The following AKAP10 variants were observed in gnomAD, a reference collection of about 807,000 sequenced individuals.
AKAP10 encodes the protein A-kinase anchoring protein 10.
AKAP10 carries 24 observed loss-of-function variants against 80.8 expected under a neutral mutation model. The ratio of observed to expected loss-of-function variants is 0.30; its 90% CI spans 0.22 to 0.42. The LOEUF is 0.42. Among genes scored for constraint, AKAP10 ranks in the 10% least tolerant of loss-of-function variants. The pLI is 1.00. For missense variants in AKAP10, 661 were observed against 794.9 expected (o/e 0.83, Z 2.03); for synonymous variants, 291 against 277.7 (o/e 1.05, Z -0.48).
At position 19,977,648 on chromosome 17, in the gene AKAP10, G is replaced by A. The variant is rs1179383866; in HGVS notation, c.32C>T (p.Ser11Phe). ...CGGGTCGGGACGGAGGGTGCGGGGG[G>A]ACTGGCGCGGGGAGGGCCCGGCTCC... MRGAGPSPRQ[S>F]PRTLRPDPGP... The change falls in exon 1 of 15, where the codon TCC becomes TTC. Residue 11 changes from serine (S) to phenylalanine (F), a missense_variant. Transcript: ENST00000225737. 7.3e-6 allele frequency: 9 copies of A among 1,235,410 alleles called. No individual in the cohort carries two copies. Among genetic ancestry groups the A allele is most frequent in the South Asian group, 4.1e-5 (1 of 24,388 alleles). The allele number at this position is 1,235,410 out of a possible 1,614,324, so 76.5% of individuals were successfully genotyped here. A position where few individuals can be genotyped will look rare whatever the true frequency, so the allele number is the denominator to read the frequency against.
At chr17:19,940,800 G>T in intron 7 of AKAP10, 87 bp downstream of exon 7, 1 of 1,404,002 alleles carries the variant, frequency 7.1e-7, no homozygotes, top group Non-Finnish European at 9.4e-7. Flanking sequence ...TGGCTCTTCT[G>T]TGTTATTTCC....
At chr17:19,945,780 A>G (rs1597509359) in intron 5 of AKAP10, among the ~76,000 whole-genome samples, 2 of 152,196 alleles carry the variant, frequency 1.3e-5, no homozygotes, top group Admixed American at 6.5e-5. Flanking sequence ...CAACATCGGG[A>G]CAGATCTGCT....
chr17:19,919,862 C>T (rs764556782), intron 12 of AKAP10, among the ~76,000 whole-genome samples, 174 bp downstream of exon 12: 14 of 152,132 alleles, frequency 9.2e-5, no homozygotes, highest in East Asian at 1.9e-4. Context: ...GAGGAGATTG[C>T]ATAAAGATGT....
At chr17:19,970,558 C>T in intron 1 of AKAP10, among the ~76,000 whole-genome samples, 1 of 152,284 alleles carries the variant, frequency 6.6e-6, no homozygotes, top group South Asian at 2.1e-4. Flanking sequence ...CGCAGTGGCT[C>T]ACACCTGTAA....
Position 19,951,545 on chromosome 17 carries a change from T to C in AKAP10, c.878-4040A>G, listed in dbSNP as rs372157004. On this transcript the variant is annotated intron_variant, in intron 4 of 14. Coordinates refer to ENST00000225737, the MANE Select transcript of AKAP10 (RefSeq NM_007202.4). ...ACATGGGAGACTCCATTTTGTTCTG[T>C]ACTAAGAAAAATTCTTCTGCCTTGG... is the stretch of plus-strand genomic sequence containing the variant. 3.0e-4 allele frequency among the ~76,000 whole-genome samples: 45 copies of C among 152,362 alleles called. No individual in the cohort carries two copies. In the East Asian group the frequency reaches 8.3e-3, roughly 28 times the overall value.
At chr17:19,915,249 C>T (rs1207326984) in intron 12 of AKAP10, among the ~76,000 whole-genome samples, 2 of 152,122 alleles carry the variant, frequency 1.3e-5, no homozygotes, top group African/African-American at 2.4e-5. Context: ...ATCATCAAGA[C>T]TATAGGTGTA....
At position 19,909,224 on chromosome 17, in the gene AKAP10, A is replaced by G. The variant is rs1227112012; in HGVS notation, c.1940T>C (p.Met647Thr). ...KIAKMIVSDI[M>T]QQAQYDQPLE... ...CGGTTGATCATACTGAGCCTGCTGCATAATGTCACTGACTATCATTTTAGC... is the reference window on the plus strand; with the variant it reads ...CGGTTGATCATACTGAGCCTGCTGCGTAATGTCACTGACTATCATTTTAGC... The change falls in exon 14 of 15, where the codon ATG becomes ACG. Residue 647 changes from methionine (M) to threonine (T), a missense_variant. Met to Thr is a moderately conservative substitution (Grantham distance 81, BLOSUM62 -1). Transcript: ENST00000225737. 5 of 1,613,760 alleles carry G rather than the reference A, an allele frequency of 3.1e-6. No individual in the cohort carries two copies. In the Admixed American group the frequency reaches 8.3e-5, roughly 27 times the overall value.
At position 19,968,430 on chromosome 17, in the gene AKAP10, A is replaced by G; in HGVS notation, c.120T>C (p.Asp40=). ...AGAACTTACCTTTAATGGACTTCACATCTGAGGTCTTCTCTTGTTCTTTGC... is the reference window on the plus strand; with the variant it reads ...AGAACTTACCTTTAATGGACTTCACGTCTGAGGTCTTCTCTTGTTCTTTGC... The part of the protein sequence containing the change: ...VKGKEQEKTS[D]VKSIKASISV... The change falls in exon 2 of 15, where the codon GAT becomes GAC. Residue 40 remains aspartate (D), a synonymous_variant. Coordinates refer to ENST00000225737, the MANE Select transcript of AKAP10 (RefSeq NM_007202.4). 6.2e-7 allele frequency: 1 copy of G among 1,613,842 alleles called. No individual in the cohort carries two copies. Among genetic ancestry groups the G allele is most frequent in the Non-Finnish European group, 8.5e-7 (1 of 1,179,830 alleles).
intron 12 of AKAP10, among the ~76,000 whole-genome samples, chr17:19,911,189 T>G (rs1012694009): frequency 3.9e-5 from 6 of 152,194 alleles, no homozygotes; most frequent in African/African-American, 1.2e-4. Flanking sequence ...ATGCTCTGCA[T>G]GAAGGCTCAA....
At chr17:19,971,003 T>C (rs1199875496) in intron 1 of AKAP10, among the ~76,000 whole-genome samples, 2 of 151,650 alleles carry the variant, frequency 1.3e-5, no homozygotes, top group Non-Finnish European at 2.9e-5. Context: ...GATCCTCTCA[T>C]GCCACCATAC....
chr17:19,977,571 C>T lies in AKAP10; in HGVS notation c.88+21G>A, dbSNP rs759812991. Reference sequence around the variant, plus strand: ...GCCCCTGAGGCCCGGCCTGACTCCCCGCCGGCGCCCCCTCAGCTACCTTTC... The same window carrying T: ...GCCCCTGAGGCCCGGCCTGACTCCCTGCCGGCGCCCCCTCAGCTACCTTTC... On this transcript the variant is annotated intron_variant, in intron 1 of 14. Transcript: ENST00000225737. 15 of 1,232,948 alleles carry T rather than the reference C, an allele frequency of 1.2e-5. No individual in the cohort carries two copies. The African/African-American group carries it at 2.2e-4, about 18-fold the overall frequency. The allele number at this position is 1,232,948 out of a possible 1,614,324, so 76.4% of individuals were successfully genotyped here. A position where few individuals can be genotyped will look rare whatever the true frequency, so the allele number is the denominator to read the frequency against.
At chr17:19,957,279 T>C (rs769415647) in intron 4 of AKAP10, among the ~76,000 whole-genome samples, 38 of 152,000 alleles carry the variant, frequency 2.5e-4, no homozygotes, top group Non-Finnish European at 4.6e-4. Context: ...CGGTGGCTCA[T>C]GCCTGTAATC....
intron 2 of AKAP10, among the ~76,000 whole-genome samples, chr17:19,966,844 T>C (rs767491415): frequency 6.6e-6 from 1 of 151,908 alleles, no homozygotes; most frequent in Non-Finnish European, 1.5e-5. Context: ...TCAGATCTAG[T>C]CTTTACAGGT....
intron 9 of AKAP10, among the ~76,000 whole-genome samples, chr17:19,932,891 GTTTATTA>G (rs1480029487): frequency 6.6e-6 from 1 of 151,158 alleles, no homozygotes; most frequent in African/African-American, 2.4e-5. Flanking sequence ...GAGTTCTCAT[GTTTATTA>G]TTTATATTTC....
At chr17:19,929,637 A>T (rs1027276459) in intron 10 of AKAP10, 1 of 152,118 alleles carries the variant, frequency 6.6e-6, no homozygotes, top group African/African-American at 2.4e-5. Context: ...AGGTATAAAA[A>T]TATATTTTAT....
At chr17:19,921,090 T>C (rs762178040) in intron 11 of AKAP10, among the ~76,000 whole-genome samples, 1 of 150,560 alleles carries the variant, frequency 6.6e-6, no homozygotes, top group Non-Finnish European at 1.5e-5. Context: ...AGAAAAAACC[T>C]GAACAATCAA....
chr17:19,931,622 C>A (rs571063281), intron 10 of AKAP10, among the ~76,000 whole-genome samples, 183 bp downstream of exon 10: 46 of 152,136 alleles, frequency 3.0e-4, no homozygotes, highest in African/African-American at 1.1e-3. Flanking sequence ...AATTCCTGAC[C>A]TCGTGTGATC....
At chr17:19,918,964 A>G (rs192613737) in intron 12 of AKAP10, among the ~76,000 whole-genome samples, 4 of 152,278 alleles carry the variant, frequency 2.6e-5, no homozygotes, top group African/African-American at 9.6e-5. Flanking sequence ...TCTAGGGTAC[A>G]TGTGCACAAC....
At position 19,931,911 on chromosome 17, in the gene AKAP10, A is replaced by G. The variant is rs1353761214; in HGVS notation, c.1535T>C (p.Val512Ala). ...YKYLNDLIHS[V>A]RGDEFLGGNV... Reference sequence around the variant, plus strand: ...CCCGCCCAGAAATTCATCTCCTCGAACCGAATGGATGAGATCATTCAAATA... The same window carrying G: ...CCCGCCCAGAAATTCATCTCCTCGAGCCGAATGGATGAGATCATTCAAATA... Residue 512 changes from valine (V) to alanine (A), a missense_variant, in exon 10 of 15, where the codon GTT becomes GCT. Val to Ala is a moderately conservative substitution (Grantham distance 64). Transcript: ENST00000225737. 7 of 1,614,120 alleles carry G rather than the reference A, an allele frequency of 4.3e-6. No individual in the cohort carries two copies. Among genetic ancestry groups the G allele is most frequent in the Non-Finnish European group, 5.9e-6 (7 of 1,180,016 alleles).
Sources: allele counts gnomAD v4.1 joint callset (sites outside exome capture counted in the v4.1 genomes callset), GRCh38; gene constraint gnomAD v4.1.1; transcripts MANE v1.5; gene names NCBI Gene and HGNC (gene_info 2026-07-23, HGNC 2026-07-21).